The following GOLGA3 variants were observed in gnomAD, a reference collection of about 807,000 sequenced individuals.
GOLGA3 encodes the protein golgin subfamily A member 3.
A neutral mutation model predicts 169.4 loss-of-function variants in GOLGA3; 75 were observed. The observed-to-expected ratio is 0.44, with a 90% confidence interval of 0.37 to 0.54. The LOEUF is 0.54. GOLGA3 is among the 20% of genes least tolerant of loss of function. The pLI, the probability that GOLGA3 is intolerant of heterozygous loss-of-function variation, is 0.00. For missense variants in GOLGA3, 1,899 were observed against 1,930.0 expected, an observed-to-expected ratio of 0.98 and a Z score of 0.30; for synonymous variants, 824 against 822.4, an observed-to-expected ratio of 1.00 and a Z score of -0.03.
intron 4 of GOLGA3, among the ~76,000 whole-genome samples, chr12:132,810,543 A>C (rs956909893): frequency 2.6e-5 from 4 of 152,210 alleles, no homozygotes; most frequent in Non-Finnish European, 2.9e-5. Context: ...CTCTACAATC[A>C]TAACCTAGGA....
chr12:132,772,559 A>AAAAC lies in GOLGA3; in HGVS notation c.*545_*546insGTTT, dbSNP rs2044955229. ...ACTCTGTCTCAAAAAAAAAAAAAAAAAAAAAACAAAGATTGGATTATGATA... is the reference window on the plus strand; with the variant it reads ...ACTCTGTCTCAAAAAAAAAAAAAAAAAAACAAAAAACAAAGATTGGATTATGATA... On this transcript the variant is annotated 3_prime_UTR_variant, in exon 24 of 24. Coordinates refer to ENST00000450791, the MANE Select transcript of GOLGA3 (RefSeq NM_001389683.1). 2 of 152,040 alleles carry AAAAC rather than the reference A, an allele frequency of 1.3e-5. No individual in the cohort carries two copies. Among genetic ancestry groups the AAAAC allele is most frequent in the South Asian group, 4.2e-4 (2 of 4,814 alleles). The allele number at this position is 152,040 out of a possible 1,614,324, so 9.4% of individuals were successfully genotyped here. A position where few individuals can be genotyped will look rare whatever the true frequency, so the allele number is the denominator to read the frequency against.
intron 18 of GOLGA3, among the ~76,000 whole-genome samples, chr12:132,780,417 C>T (rs956271403): frequency 1.6e-4 from 24 of 152,048 alleles, no homozygotes; most frequent in East Asian, 3.9e-4. Flanking sequence ...GGGCCAGCCA[C>T]GAAAAGACAG....
chr12:132,781,021 G>A (rs1344873598), intron 17 of GOLGA3, 107 bp from the exon 18 acceptor site: 3 of 757,786 alleles, frequency 4.0e-6, no homozygotes, highest in African/African-American at 1.7e-5. Flanking sequence ...GCACACGCCA[G>A]GGAGGTAGAG....
Position 132,804,845 on chromosome 12 carries a change from T to G in GOLGA3, c.1468A>C (p.Met490Leu), listed in dbSNP as rs755389194. Residue 490 changes from methionine (M) to leucine (L), a missense_variant, in exon 7 of 24, where the codon ATG (methionine) becomes CTG (leucine). Met to Leu is a conservative substitution (Grantham distance 15). Coordinates refer to ENST00000450791, the MANE Select transcript of GOLGA3 (RefSeq NM_001389683.1). This position sits in a 1 kb window ranked among gnomAD's most constrained non-coding sequence, Gnocchi z 4.1. ...AGGCTGGCATTTTTTGCCTCCAGCATGTTCTGCAGGTCAGTCATGGCTCGC... is the reference window on the plus strand; with the variant it reads ...AGGCTGGCATTTTTTGCCTCCAGCAGGTTCTGCAGGTCAGTCATGGCTCGC... Reference protein sequence around the residue: ...LERAMTDLQNMLEAKNASLAS... With the variant: ...LERAMTDLQNLLEAKNASLAS... The G allele has an allele frequency of 8.1e-5, 130 of 1,614,052 alleles. No homozygotes were observed. Among genetic ancestry groups the G allele is most frequent in the Non-Finnish European group, 8.4e-5 (99 of 1,180,022 alleles).
chr12:132,810,227 G>A (rs1949634376), intron 4 of GOLGA3, among the ~76,000 whole-genome samples: 1 of 152,108 alleles, frequency 6.6e-6, no homozygotes, highest in African/African-American at 2.4e-5. Flanking sequence ...CAGCCTGGGT[G>A]ACAGAGTGAG....
intron 16 of GOLGA3, 151 bp downstream of exon 16, chr12:132,784,013 C>T: frequency 1.3e-6 from 2 of 1,511,264 alleles, no homozygotes; most frequent in Non-Finnish European, 1.8e-6. Context: ...ACCACAGAGC[C>T]AGAGGCCGAC....
rs2044888610 is a variant in GOLGA3 at position 132,771,336 on chromosome 12, A to G, written c.*1769T>C. On this transcript the variant is annotated 3_prime_UTR_variant, in exon 24 of 24. Transcript: ENST00000450791. ...CATCTGGCCTGGCCAGTGACTCAGAACCTCATTTCAGACCAGTACATCTGC... is the reference window on the plus strand; with the variant it reads ...CATCTGGCCTGGCCAGTGACTCAGAGCCTCATTTCAGACCAGTACATCTGC... The G allele has an allele frequency of 6.6e-6, 1 of 152,566 alleles. No homozygotes were observed. Among genetic ancestry groups the G allele is most frequent in the Admixed American group, 6.5e-5 (1 of 15,274 alleles). 9.5% of individuals were successfully genotyped at this position (152,566 alleles called of 1,614,324 possible).
chr12:132,797,945 A>C (rs1320901491), intron 9 of GOLGA3, among the ~76,000 whole-genome samples: 1 of 152,244 alleles, frequency 6.6e-6, no homozygotes, highest in African/African-American at 2.4e-5. Flanking sequence ...TGTCAGGCAA[A>C]AACGCACTGG....
chr12:132,798,080 C>A (rs781530658), intron 9 of GOLGA3, among the ~76,000 whole-genome samples: 1 of 151,360 alleles, frequency 6.6e-6, no homozygotes, highest in Non-Finnish European at 1.5e-5. Flanking sequence ...GCACTAAGCC[C>A]CCACAGGTGA....
chr12:132,805,696 C>T (rs1343918816), intron 6 of GOLGA3, among the ~76,000 whole-genome samples: 1 of 152,170 alleles, frequency 6.6e-6, no homozygotes, highest in Admixed American at 6.5e-5. Flanking sequence ...AGGCCCAGGA[C>T]GCACAGGGAG....
chr12:132,780,549 G>A (rs1179650989), intron 18 of GOLGA3, among the ~76,000 whole-genome samples: 2 of 152,242 alleles, frequency 1.3e-5, no homozygotes, highest in Non-Finnish European at 2.9e-5. Flanking sequence ...ACCACTCCCA[G>A]CACAATATAA....
intron 16 of GOLGA3, 169 bp downstream of exon 16, chr12:132,783,995 C>T: frequency 6.7e-7 from 1 of 1,497,238 alleles, no homozygotes; most frequent in African/African-American, 1.4e-5. Flanking sequence ...GGAATCAGGG[C>T]CTGCCCCACC....
chr12:132,802,122 G>A (rs72624273), intron 7 of GOLGA3, among the ~76,000 whole-genome samples, 153 bp from the exon 8 acceptor site: 51,764 of 152,204 alleles, frequency 0.34, 9,945 homozygotes, highest in Non-Finnish European at 0.44. Context: ...TGAAGTCGCC[G>A]TGAACACGGC....
At chr12:132,800,262 G>A (rs565132337) in intron 8 of GOLGA3, among the ~76,000 whole-genome samples, 3 of 152,226 alleles carry the variant, frequency 2.0e-5, no homozygotes, top group Non-Finnish European at 4.4e-5. Context: ...CTGGAAGGCT[G>A]AGGAAGGCGG....
At chr12:132,819,786 TC>T (rs779854880) in intron 2 of GOLGA3, among the ~76,000 whole-genome samples, 4 of 152,132 alleles carry the variant, frequency 2.6e-5, no homozygotes, top group Non-Finnish European at 5.9e-5. Flanking sequence ...ACACCTGTAA[TC>T]CCAGCACTTT....
intron 6 of GOLGA3, among the ~76,000 whole-genome samples, chr12:132,805,847 A>C (rs1055609432): frequency 2.0e-4 from 31 of 152,360 alleles, no homozygotes; most frequent in South Asian, 4.1e-4. Flanking sequence ...ATGCGCACAC[A>C]CACAGAATGC....
intron 4 of GOLGA3, among the ~76,000 whole-genome samples, chr12:132,813,099 C>T (rs915869864): frequency 2.6e-5 from 4 of 152,138 alleles, no homozygotes; most frequent in African/African-American, 9.7e-5. Flanking sequence ...TGTGGTGGTC[C>T]AGAACTGAAC....
chr12:132,777,874 A>G lies in GOLGA3; in HGVS notation c.3583-69T>C, dbSNP rs1219607573. ...CACAGCTTTATGACGTGCCGGGCGCAGGGGGTGAATGCACTCCCGGCCCCG... is the reference window on the plus strand; with the variant it reads ...CACAGCTTTATGACGTGCCGGGCGCGGGGGGTGAATGCACTCCCGGCCCCG... On this transcript the variant is annotated intron_variant, in intron 18 of 23. Coordinates refer to ENST00000450791, the MANE Select transcript of GOLGA3 (RefSeq NM_001389683.1). This position sits in a 1 kb window ranked among gnomAD's most constrained non-coding sequence, Gnocchi z 4.7. 1.9e-6 allele frequency: 3 copies of G among 1,550,162 alleles called. No individual in the cohort carries two copies. Among genetic ancestry groups the G allele is most frequent in the Non-Finnish European group, 2.6e-6 (3 of 1,138,706 alleles).
intron 4 of GOLGA3, among the ~76,000 whole-genome samples, 161 bp downstream of exon 4, chr12:132,813,146 T>C (rs543709273): frequency 1.3e-5 from 2 of 152,338 alleles, no homozygotes. Flanking sequence ...TTTGCTTTCT[T>C]TGCTTTTCAA....
Sources: gnomAD v4.1 joint callset for allele counts (sites outside exome capture counted in the v4.1 genomes callset) on GRCh38, gnomAD v4.1.1 for gene constraint, Gnocchi (gnomAD v3.1) non-coding constraint, MANE v1.5 for transcripts, NCBI Gene and HGNC (gene_info 2026-07-23, HGNC 2026-07-21) for gene names.